APP: variants seen among roughly 807,000 people sequenced by gnomAD.
The protein encoded by APP is amyloid beta precursor protein.
Under a neutral mutation model 101.4 loss-of-function variants are expected in APP, and 31 were observed. The observed-to-expected ratio is 0.31, with a 90% CI of 0.23 to 0.41. The LOEUF is 0.41. Among genes scored for constraint, APP ranks in the 10% least tolerant of loss-of-function variants. The pLI is 1.00. For missense variants in APP, 839 were observed against 1,003.7 expected (o/e 0.84, Z 2.22); for synonymous variants, 366 against 364.4 (o/e 1.00, Z -0.05).
intron 3 of APP, among the ~76,000 whole-genome samples, chr21:26,082,676 T>C (rs1259947886): frequency 6.6e-6 from 1 of 152,176 alleles, no homozygotes; most frequent in East Asian, 1.9e-4. Context: ...TGCCTTGAAA[T>C]CTTATCCTTG....
chr21:25,997,326 C>T, intron 8 of APP, 34 bp downstream of exon 8: 3 of 1,600,232 alleles, frequency 1.9e-6, no homozygotes, highest in Non-Finnish European at 2.6e-6. Context: ...ATCCTCCTCC[C>T]CTCTTCCCTT....
At chr21:25,974,666 C>G (rs2042158781) in intron 11 of APP, among the ~76,000 whole-genome samples, 1 of 152,222 alleles carries the variant, frequency 6.6e-6, no homozygotes. Flanking sequence ...AAATAAACTT[C>G]TGTTGCTGAT....
chr21:26,052,765 CA>C (rs941174030), intron 4 of APP, among the ~76,000 whole-genome samples: 4 of 152,050 alleles, frequency 2.6e-5, no homozygotes, highest in African/African-American at 9.7e-5. Flanking sequence ...TAATAGATAA[CA>C]GGGGAAAAGG....
In APP at chr21:26,153,059, C is replaced by T. The variant is rs181754217; in HGVS notation, c.57+17505G>A. Among the ~76,000 whole-genome samples, 20 of 152,264 alleles carry T rather than the reference C, an allele frequency of 1.3e-4. No individual in the cohort carries two copies. The East Asian group carries it at 3.7e-3, about 28-fold the overall frequency. ...ATTCAGGAATTGGAAAACCAAAAACCGTATGTTCTCTCTTATAAGTGGGAA... is the reference window on the plus strand; with the variant it reads ...ATTCAGGAATTGGAAAACCAAAAACTGTATGTTCTCTCTTATAAGTGGGAA... On this transcript the variant is annotated intron_variant, in intron 1 of 17. Transcript: ENST00000346798.
intron 2 of APP, among the ~76,000 whole-genome samples, chr21:26,109,899 G>T (rs1568986525): frequency 6.6e-6 from 1 of 152,114 alleles, no homozygotes; most frequent in Non-Finnish European, 1.5e-5. Context: ...TTTAAAAAAA[G>T]TTTATTTGAC....
chr21:26,058,807 C>T (rs547985690), intron 3 of APP, among the ~76,000 whole-genome samples: 95 of 152,210 alleles, frequency 6.2e-4, no homozygotes, highest in Non-Finnish European at 1.8e-4. Context: ...TTAGGCCGGG[C>T]GCGGTGGCTC....
intron 3 of APP, among the ~76,000 whole-genome samples, chr21:26,054,629 T>TG (rs1405444794): frequency 3.5e-5 from 5 of 142,588 alleles, no homozygotes; most frequent in Admixed American, 7.2e-5. Flanking sequence ...AGTTTTTTTT[T>TG]TTTTTTTTTT....
Position 26,154,739 on chromosome 21 carries a change from GAAC to G in APP, c.57+15822_57+15824del, listed in dbSNP as rs142007756. 1.5e-3 allele frequency among the ~76,000 whole-genome samples: 227 copies of G among 152,320 alleles called. 8 individuals are homozygous for G. The East Asian group carries it at 0.039, about 26-fold the overall frequency. ...TGATCCTTAAAATGTGGGTGATTTT[GAAC>G]AACTCAACATCTCCAGATATTACTT... On this transcript the variant is annotated intron_variant, in intron 1 of 17. Transcript: ENST00000346798.
At chr21:25,923,282 A>G (rs1466648980) in intron 13 of APP, among the ~76,000 whole-genome samples, 1 of 144,098 alleles carries the variant, frequency 6.9e-6, no homozygotes, top group Non-Finnish European at 1.5e-5. Flanking sequence ...AAACCCTAGA[A>G]GAAAACCTAG....
intron 3 of APP, among the ~76,000 whole-genome samples, chr21:26,063,328 C>T (rs558785935): frequency 2.0e-5 from 3 of 152,266 alleles, no homozygotes; most frequent in Admixed American, 6.5e-5. Flanking sequence ...TGGACAAATA[C>T]ATTGCCTTGC....
intron 2 of APP, among the ~76,000 whole-genome samples, chr21:26,095,505 T>C (rs1156882009): frequency 6.6e-6 from 1 of 152,150 alleles, no homozygotes; most frequent in Non-Finnish European, 1.5e-5. Flanking sequence ...AATTGCTCTA[T>C]TCTATTATTA....
intron 1 of APP, among the ~76,000 whole-genome samples, chr21:26,145,083 T>C (rs1277913847): frequency 1.3e-5 from 2 of 152,200 alleles, no homozygotes; most frequent in Non-Finnish European, 2.9e-5. Flanking sequence ...CTTCCTAACA[T>C]TAGAGATGTT....
intron 8 of APP, among the ~76,000 whole-genome samples, chr21:25,992,374 C>T (rs533299039): frequency 9.1e-5 from 13 of 143,372 alleles, no homozygotes; most frequent in Admixed American, 2.8e-4. Flanking sequence ...GGCAACAGAG[C>T]GAGACTCCAT....
At chr21:26,025,421 A>C (rs2044525436) in intron 5 of APP, among the ~76,000 whole-genome samples, 1 of 152,236 alleles carries the variant, frequency 6.6e-6, no homozygotes, top group Non-Finnish European at 1.5e-5. Flanking sequence ...TCTTTAAATC[A>C]TGATGTATAC....
chr21:26,000,104 T>G lies in APP; in HGVS notation c.944A>C (p.Lys315Thr). The change falls in exon 7 of 18, where the codon AAG becomes ACG. Residue 315 changes from lysine to threonine, a missense_variant. Coordinates refer to ENST00000346798, the MANE Select transcript of APP (RefSeq NM_000484.4). ...TCCGCCGTAAAAGAATGGGGCACAC[T>G]TCCCTTCAGTCACATCAAAGTACCA... ...SRWYFDVTEG[K>T]CAPFFYGGCG... The G allele has an allele frequency of 6.2e-7, 1 of 1,614,198 alleles. No homozygotes were observed.
chr21:25,949,134 C>T (rs899274225), intron 13 of APP, among the ~76,000 whole-genome samples: 1 of 152,026 alleles, frequency 6.6e-6, no homozygotes, highest in Non-Finnish European at 1.5e-5. Context: ...AGCCTGGGAA[C>T]TTGCACATAA....
At position 26,046,434 on chromosome 21, in the gene APP, G is replaced by GA. The variant is rs1043069029; in HGVS notation, c.662+4565dup. 5.1e-3 allele frequency among the ~76,000 whole-genome samples: 581 copies of GA among 113,400 alleles called. 4 individuals are homozygous for GA. Among genetic ancestry groups the GA allele is most frequent in the African/African-American group, 0.017 (518 of 30,530 alleles). 74.4% of individuals were successfully genotyped at this position (113,400 alleles called of 152,430 possible). On this transcript the variant is annotated intron_variant, in intron 5 of 17. Coordinates refer to ENST00000346798, the MANE Select transcript of APP (RefSeq NM_000484.4). Reference sequence around the variant, plus strand: ...CTTAAAAAAAAAAGAAAAAGAAAAAGAAAAAAAAAAACTCTTCCAAGTTAT... The same window carrying GA: ...CTTAAAAAAAAAAGAAAAAGAAAAAGAAAAAAAAAAAACTCTTCCAAGTTAT...
chr21:25,981,248 A>C (rs572035864), intron 9 of APP, among the ~76,000 whole-genome samples: 2 of 152,352 alleles, frequency 1.3e-5, no homozygotes, highest in Admixed American at 1.3e-4. Flanking sequence ...GATCTTAGAA[A>C]ATACGCAGCA....
intron 1 of APP, among the ~76,000 whole-genome samples, chr21:26,142,313 G>C (rs1046375898): frequency 1.3e-5 from 2 of 152,114 alleles, no homozygotes; most frequent in Non-Finnish European, 2.9e-5. Flanking sequence ...GCCCTCACTC[G>C]ATCTTTCTAG....
Sources: gnomAD v4.1 joint callset for allele counts (sites outside exome capture counted in the v4.1 genomes callset) on GRCh38, gnomAD v4.1.1 for gene constraint, MANE v1.5 for transcripts, NCBI Gene and HGNC (gene_info 2026-07-23, HGNC 2026-07-21) for gene names.